The following DENND2A variants were observed in gnomAD, a reference collection of about 807,000 sequenced individuals.
DENND2A encodes DENN domain-containing protein 2A.
In DENND2A, 53 loss-of-function variants were observed where a neutral mutation model predicts 105.3. That is an observed-to-expected ratio of 0.50 (90% CI 0.40 to 0.63). The LOEUF is 0.63. Among genes scored for constraint, DENND2A ranks in the 30% least tolerant of loss-of-function variants. The pLI is 0.00. For synonymous variants in DENND2A, 522 were observed against 508.4 expected (o/e 1.03, Z -0.36); for missense variants, 1,138 against 1,279.6 (o/e 0.89, Z 1.69).
intron 15 of DENND2A, among the ~76,000 whole-genome samples, chr7:140,526,391 C>A (rs6952414): frequency 0.11 from 17,028 of 152,266 alleles, 1,236 homozygotes; most frequent in African/African-American, 0.21. Context: ...TGCTGCTGCT[C>A]CTGAGAGCGC....
At chr7:140,615,857 A>AT (rs1401478393) in intron 1 of DENND2A, among the ~76,000 whole-genome samples, 2 of 152,038 alleles carry the variant, frequency 1.3e-5, no homozygotes, top group Non-Finnish European at 2.9e-5. Context: ...CCAGGCCTAC[A>AT]TATCATTTTT....
rs1429635589 is a variant in DENND2A at position 140,527,737 on chromosome 7, TTCCACA to T, written c.2328-248_2328-243del. Among the ~76,000 whole-genome samples, 1 of 152,190 alleles carries T rather than the reference TTCCACA, an allele frequency of 6.6e-6. No homozygotes were observed. Among genetic ancestry groups the T allele is most frequent in the Non-Finnish European group, 1.5e-5 (1 of 68,038 alleles). On this transcript the variant is annotated intron_variant, in intron 14 of 19. Coordinates refer to ENST00000496613, the MANE Select transcript of DENND2A (RefSeq NM_015689.5). The surrounding 1 kb of genome is among the most constrained non-coding windows in gnomAD (Gnocchi z 4.9). ...TCCTGGATAATTTTTACAAGTGCGT[TTCCACA>T]TGTGAGCTGCACGCCCTGCACTCTC...
At chr7:140,544,917 T>G in intron 13 of DENND2A, 151 bp from the exon 14 acceptor site, 7 of 1,367,530 alleles carry the variant, frequency 5.1e-6, no homozygotes, top group East Asian at 2.9e-5. Context: ...ACAAAAGGAT[T>G]GGGGGAAAAG....
rs186511502 is a variant in DENND2A at position 140,599,779 on chromosome 7, T to C, written c.995+1624A>G. 5.3e-5 allele frequency among the ~76,000 whole-genome samples: 8 copies of C among 152,228 alleles called. No individual in the cohort carries two copies. The East Asian group carries it at 1.3e-3, about 26-fold the overall frequency. Reference sequence around the variant, plus strand: ...AACACAAGAAATTATGCTATTATGCTATTTACAGAGAAAGTGGGGAAAAAA... The same window carrying C: ...AACACAAGAAATTATGCTATTATGCCATTTACAGAGAAAGTGGGGAAAAAA... On this transcript the variant is annotated intron_variant, in intron 3 of 19. Coordinates refer to ENST00000496613, the MANE Select transcript of DENND2A (RefSeq NM_015689.5).
In DENND2A at chr7:140,538,926, T is replaced by G. The variant is rs560855660; in HGVS notation, c.2327+5692A>C. Among the ~76,000 whole-genome samples the G allele has an allele frequency of 2.0e-5, 3 of 152,154 alleles. No individual in the cohort carries two copies. The East Asian group carries it at 5.8e-4, about 29-fold the overall frequency. On this transcript the variant is annotated intron_variant, in intron 14 of 19. Transcript: ENST00000496613. ...GTAACCTCTGCCTCCTAGGTTCAAGTGATTCTCCTGCCTCAGCCTCCTGAG... is the reference window on the plus strand; with the variant it reads ...GTAACCTCTGCCTCCTAGGTTCAAGGGATTCTCCTGCCTCAGCCTCCTGAG...
chr7:140,536,079 A>G (rs191352310), intron 14 of DENND2A, among the ~76,000 whole-genome samples: 85 of 152,014 alleles, frequency 5.6e-4, no homozygotes, highest in African/African-American at 1.9e-3. Context: ...AAGGCCGGGC[A>G]TGGTGGTTCA....
At chr7:140,563,273 C>T (rs1797703206) in intron 9 of DENND2A, among the ~76,000 whole-genome samples, 1 of 152,188 alleles carries the variant, frequency 6.6e-6, no homozygotes, top group South Asian at 2.1e-4. Flanking sequence ...CAAATACAGG[C>T]ACACTTGTGC....
chr7:140,560,832 G>T (rs955341814), intron 9 of DENND2A, among the ~76,000 whole-genome samples: 1 of 152,010 alleles, frequency 6.6e-6, no homozygotes, highest in Admixed American at 6.6e-5. Flanking sequence ...TGCTCGGGAG[G>T]CTGAGGCATG....
At position 140,601,440 on chromosome 7, in the gene DENND2A, G is replaced by C; in HGVS notation, c.958C>G (p.Leu320Val). 6.2e-7 allele frequency: 1 copy of C among 1,611,808 alleles called. No individual in the cohort carries two copies. The highest frequency in any genetic ancestry group is 8.5e-7 in the Non-Finnish European group (1 of 1,179,126). ...SPPPSSVNRR[L>V]WTGRQKSSAD... ...CTGGATTTCTGTCTCCCGGTCCACA[G>C]TCTTCTGTTCACAGAGGAAGGTGGG... The change falls in exon 3 of 20, where the codon CTG becomes GTG. Residue 320 changes from leucine to valine, a missense_variant. This residue lies in a region of DENND2A where 511 missense variants were observed against 499.9 expected (regional missense o/e 1.02). Transcript: ENST00000496613.
intron 16 of DENND2A, among the ~76,000 whole-genome samples, chr7:140,524,611 T>C (rs374731007): frequency 2.0e-5 from 3 of 152,164 alleles, no homozygotes; most frequent in African/African-American, 7.2e-5. Context: ...GGTTTCACAC[T>C]GTCTCTCGGG....
intron 13 of DENND2A, among the ~76,000 whole-genome samples, chr7:140,546,423 CA>C (rs1380777832): frequency 2.0e-5 from 3 of 151,798 alleles, no homozygotes; most frequent in Non-Finnish European, 2.9e-5. Flanking sequence ...GTCTCAAAAA[CA>C]AAAACAAAAA....
At chr7:140,521,589 T>C (rs1795862662) in intron 18 of DENND2A, among the ~76,000 whole-genome samples, 1 of 152,212 alleles carries the variant, frequency 6.6e-6, no homozygotes, top group African/African-American at 2.4e-5. Flanking sequence ...CCTGAGAATT[T>C]CATCAATTTG....
intron 14 of DENND2A, among the ~76,000 whole-genome samples, chr7:140,533,627 A>G (rs73485799): frequency 0.012 from 1,787 of 152,326 alleles, 30 homozygotes; most frequent in African/African-American, 0.041. Flanking sequence ...AACTGGATGC[A>G]TGGGGCTCCA....
chr7:140,624,798 G>A (rs2130727187), intron 1 of DENND2A, among the ~76,000 whole-genome samples: 1 of 150,732 alleles, frequency 6.6e-6, no homozygotes, highest in African/African-American at 2.4e-5. Flanking sequence ...TTTTAGAAGT[G>A]AGAAATGTTC....
chr7:140,593,252 CA>C (rs1479283860), intron 3 of DENND2A, among the ~76,000 whole-genome samples: 1 of 152,188 alleles, frequency 6.6e-6, no homozygotes, highest in Non-Finnish European at 1.5e-5. Flanking sequence ...GTGGGTGATA[CA>C]AAGGCGAGAG....
At chr7:140,577,588 G>A (rs917958917) in intron 5 of DENND2A, among the ~76,000 whole-genome samples, 1 of 151,982 alleles carries the variant, frequency 6.6e-6, no homozygotes, top group African/African-American at 2.4e-5. Context: ...AGTAGAGACG[G>A]GGTTTTGCCA....
chr7:140,576,156 A>G (rs1454830881), intron 5 of DENND2A, among the ~76,000 whole-genome samples: 2 of 151,530 alleles, frequency 1.3e-5, no homozygotes, highest in Non-Finnish European at 2.9e-5. Flanking sequence ...TGTTTTTACT[A>G]TTTTCAATGA....
intron 3 of DENND2A, among the ~76,000 whole-genome samples, chr7:140,594,889 T>A (rs973869391): frequency 3.9e-5 from 6 of 152,044 alleles, no homozygotes; most frequent in Admixed American, 6.6e-5. Context: ...CTAAATTTTG[T>A]ATTTTTAGTA....
rs1251348017 is a variant in DENND2A, at chr7:140,544,634, T to C, written c.2311A>G (p.Ile771Val). 5.6e-6 allele frequency: 9 copies of C among 1,614,140 alleles called. No individual in the cohort carries two copies. The highest frequency in any genetic ancestry group is 7.6e-6 in the Non-Finnish European group (9 of 1,180,038). Reference sequence around the variant, plus strand: ...GGCGGGTACCTGAGCTTGTCTGCAATGAAGATGACCCTCCTCTCCAGAAGC... The same window carrying C: ...GGCGGGTACCTGAGCTTGTCTGCAACGAAGATGACCCTCCTCTCCAGAAGC... ...SLLLERRVIF[I>V]ADKLSILSKC... The change falls in exon 14 of 20, where the codon ATT becomes GTT. Residue 771 changes from isoleucine to valine, a missense_variant. Around this residue, in one of 2 missense-constraint regions of DENND2A, gnomAD observed 627 missense variants for 779.8 expected, o/e 0.80. Coordinates refer to ENST00000496613, the MANE Select transcript of DENND2A (RefSeq NM_015689.5).
Sources: gnomAD v4.1 joint callset for allele counts (sites outside exome capture counted in the v4.1 genomes callset) on GRCh38, gnomAD v4.1.1 for gene constraint, gnomAD v4.1.1 regional missense constraint, Gnocchi (gnomAD v3.1) non-coding constraint, MANE v1.5 for transcripts, NCBI Gene and HGNC (gene_info 2026-07-23, HGNC 2026-07-21) for gene names.